The following DOCK9 variants were observed in gnomAD, a reference collection of about 807,000 sequenced individuals.
DOCK9 encodes the protein dedicator of cytokinesis protein 9.
In DOCK9, 89 loss-of-function variants were observed where a neutral mutation model predicts 263.3. The observed-to-expected ratio is 0.34, with a 90% CI of 0.28 to 0.40. DOCK9 has a LOEUF of 0.40. Ranked by LOEUF, DOCK9 falls within the 10% of genes least tolerant of loss-of-function variation. DOCK9 has a pLI of 1.00. For missense variants in DOCK9, 2,140 were observed against 2,603.4 expected (o/e 0.82, Z 3.87); for synonymous variants, 976 against 973.1 (o/e 1.00, Z -0.06).
intron 2 of DOCK9, among the ~76,000 whole-genome samples, chr13:98,939,102 C>T (rs1313110613): frequency 2.0e-5 from 3 of 152,226 alleles, no homozygotes; most frequent in Non-Finnish European, 4.4e-5. Flanking sequence ...AGGTAGTTCT[C>T]GAGAGCCAAC....
chr13:98,993,227 C>T (rs1231751365), intron 1 of DOCK9, among the ~76,000 whole-genome samples: 1 of 152,200 alleles, frequency 6.6e-6, no homozygotes, highest in East Asian at 1.9e-4. Flanking sequence ...CGGCACAATT[C>T]CTGGGTAAAT....
At chr13:98,796,307 T>A in intron 52 of DOCK9, 1 of 1,025,790 alleles carries the variant, frequency 9.7e-7, no homozygotes, top group South Asian at 1.4e-5. Flanking sequence ...CTAACTAAAC[T>A]GTCAGGGGAT....
Position 98,829,868 on chromosome 13 carries a change from G to T in DOCK9, c.4636-112C>A. 1.1e-6 allele frequency: 1 copy of T among 870,054 alleles called. No individual in the cohort carries two copies. 53.9% of individuals were successfully genotyped at this position (870,054 alleles called of 1,614,324 possible). A position where few individuals can be genotyped will look rare whatever the true frequency, so the allele number is the denominator to read the frequency against. On this transcript the variant is annotated intron_variant, in intron 41 of 52. Coordinates refer to ENST00000682017, the MANE Select transcript of DOCK9 (RefSeq NM_001366683.2). This position sits in a 1 kb window ranked among gnomAD's most constrained non-coding sequence, Gnocchi z 4.1. ...AGGACCCAGCAAAGTGGGGGTTGGG[G>T]GGTGCTTTGAGCAGGGGTCGCTCCG...
chr13:98,953,587 A>G (rs1313468821), intron 2 of DOCK9, among the ~76,000 whole-genome samples: 1 of 152,266 alleles, frequency 6.6e-6, no homozygotes, highest in Non-Finnish European at 1.5e-5. Context: ...ATTAATACCA[A>G]GAAGAACACA....
At chr13:98,971,036 T>C (rs539013941) in intron 1 of DOCK9, among the ~76,000 whole-genome samples, 1 of 152,304 alleles carries the variant, frequency 6.6e-6, no homozygotes, top group South Asian at 2.1e-4. Flanking sequence ...TCCACAATCC[T>C]AAACCTGACT....
chr13:98,938,710 AT>A (rs10711141), intron 2 of DOCK9, among the ~76,000 whole-genome samples: 97,885 of 151,982 alleles, frequency 0.64, 32,032 homozygotes, highest in Middle Eastern at 0.79. Context: ...ATGGCACTGG[AT>A]TTTTTTTATC....
intron 1 of DOCK9, among the ~76,000 whole-genome samples, chr13:98,983,815 C>A (rs777038902): frequency 1.6e-4 from 25 of 152,066 alleles, no homozygotes; most frequent in Non-Finnish European, 3.1e-4. Flanking sequence ...CAGAGTTTCA[C>A]CATGTAGGCC....
At chr13:98,892,019 G>GT (rs2046698654) in intron 15 of DOCK9, among the ~76,000 whole-genome samples, 1 of 151,904 alleles carries the variant, frequency 6.6e-6, no homozygotes, top group Non-Finnish European at 1.5e-5. Flanking sequence ...AATAGTTTTG[G>GT]TTTTTTTGCT....
rs1321670176 is a variant in DOCK9, at chr13:98,867,930, T to G, written c.3172A>C (p.Lys1058Gln). 3 of 1,613,408 alleles carry G rather than the reference T, an allele frequency of 1.9e-6. No individual in the cohort carries two copies. In the Admixed American group the frequency reaches 5.0e-5, roughly 27 times the overall value. ...ACCAGTAACAACCCCCGCACTACCT[T>G]TGGGTCTCCAGGAGCAAAACAGCTA... ...YISCFAPGDPKTLFEYKFEFL... is the reference protein window; with the variant it reads ...YISCFAPGDPQTLFEYKFEFL... Residue 1058 changes from lysine (K) to glutamine (Q), a missense_variant and splice_region_variant, in exon 29 of 53, where the codon AAG becomes CAG. Lys to Gln is a moderately conservative substitution (Grantham distance 53). This residue lies in a region of DOCK9 where 1,521 missense variants were observed against 1,741.7 expected (regional missense o/e 0.87). Coordinates refer to ENST00000682017, the MANE Select transcript of DOCK9 (RefSeq NM_001366683.2).
At chr13:99,039,627 G>A (rs1447154072) in intron 1 of DOCK9, among the ~76,000 whole-genome samples, 1 of 152,192 alleles carries the variant, frequency 6.6e-6, no homozygotes, top group East Asian at 1.9e-4. Context: ...ATATAGTGAA[G>A]TAATTCATTC....
chr13:98,826,945 C>A (rs2092566533), intron 43 of DOCK9, 58 bp from the exon 44 acceptor site: 1 of 1,317,020 alleles, frequency 7.6e-7, no homozygotes, highest in Non-Finnish European at 1.1e-6. Context: ...TCATAATGCT[C>A]CCACACAGAC....
chr13:98,964,654 T>C (rs1324613322), intron 1 of DOCK9, among the ~76,000 whole-genome samples: 1 of 152,166 alleles, frequency 6.6e-6, no homozygotes, highest in Admixed American at 6.5e-5. Flanking sequence ...TCCCTGAGCA[T>C]GGTGAGTTCT....
intron 1 of DOCK9, among the ~76,000 whole-genome samples, chr13:98,970,144 C>CCCA (rs10625982): frequency 0.54 from 81,484 of 151,548 alleles, 22,100 homozygotes; most frequent in East Asian, 0.75. Context: ...ACAGGTCTGC[C>CCCA]CCAAGCTGGG....
chr13:98,860,520 A>G lies in DOCK9; in HGVS notation c.3582T>C (p.Thr1194=), dbSNP rs9584956. 25,324 of 1,562,962 alleles carry G rather than the reference A, an allele frequency of 0.016. 1,674 individuals carry two copies. In the African/African-American group the frequency reaches 0.17, roughly 10 times the overall value. The change falls in exon 33 of 53, where the codon ACT becomes ACC. Residue 1194 remains threonine (T), a splice_region_variant and synonymous_variant. Coordinates refer to ENST00000682017, the MANE Select transcript of DOCK9 (RefSeq NM_001366683.2). Reference sequence around the variant, plus strand: ...GTAGAGCCAGGGATTCATCCTTCACAGTCTGTCAAGGAGAGGAAAGCAGAA... The same window carrying G: ...GTAGAGCCAGGGATTCATCCTTCACGGTCTGTCAAGGAGAGGAAAGCAGAA... ...VSPFPVNAGM[T]VKDESLALPA...
chr13:98,880,425 AC>A, intron 26 of DOCK9, 121 bp downstream of exon 26: 2 of 1,284,326 alleles, frequency 1.6e-6, no homozygotes, highest in Non-Finnish European at 2.2e-6. Flanking sequence ...AGAGAACACT[AC>A]CCCTTTTTAG....
chr13:98,963,326 A>G (rs1332100132), intron 1 of DOCK9, among the ~76,000 whole-genome samples: 1 of 152,206 alleles, frequency 6.6e-6, no homozygotes, highest in Non-Finnish European at 1.5e-5. Flanking sequence ...AAAGGCAATC[A>G]GAAGCAGGAA....
intron 3 of DOCK9, among the ~76,000 whole-genome samples, chr13:98,926,637 C>T (rs2053016352): frequency 6.6e-6 from 1 of 152,098 alleles, no homozygotes; most frequent in Admixed American, 6.6e-5. Flanking sequence ...GTGCATAAAG[C>T]CTAAGATTAT....
At chr13:98,981,852 C>T (rs1411178264), upstream of DOCK9, among the ~76,000 whole-genome samples, 8 of 152,186 alleles carry the variant, frequency 5.3e-5, no homozygotes, top group Non-Finnish European at 8.8e-5. Context: ...GGTGTGGCCA[C>T]TAGAGGAAAT....
At chr13:98,919,285 T>A (rs2051457733) in intron 7 of DOCK9, among the ~76,000 whole-genome samples, 1 of 152,134 alleles carries the variant, frequency 6.6e-6, no homozygotes, top group Admixed American at 6.5e-5. Context: ...AATTTTTGTA[T>A]TTTTAGTAGA....
Sources: gnomAD v4.1 joint callset for allele counts (sites outside exome capture counted in the v4.1 genomes callset) on GRCh38, gnomAD v4.1.1 for gene constraint, gnomAD v4.1.1 regional missense constraint, Gnocchi (gnomAD v3.1) non-coding constraint, MANE v1.5 for transcripts, NCBI Gene and HGNC (gene_info 2026-07-23, HGNC 2026-07-21) for gene names.